Variants in WBP1L observed in about 807,000 individuals in gnomAD.
WBP1L encodes WW domain binding protein 1 like.
Under a neutral mutation model 33.7 loss-of-function variants are expected in WBP1L, and 17 were observed. That is an observed-to-expected ratio of 0.50 (90% CI 0.34 to 0.76). The LOEUF is 0.76. Ranked by LOEUF, WBP1L falls within the 30% of genes least tolerant of loss-of-function variation. The probability of loss-of-function intolerance (pLI) is 0.01; values close to 1 mark genes in which losing one functional copy is unlikely to be tolerated. For missense variants in WBP1L, 389 were observed against 469.4 expected (o/e 0.83, Z 1.58); for synonymous variants, 173 against 190.8 (o/e 0.91, Z 0.77).
intron 1 of WBP1L, chr10:102,776,291 C>G (rs1843260744): frequency 1.9e-6 from 3 of 1,611,300 alleles, no homozygotes; most frequent in Middle Eastern, 1.6e-4. Context: ...TGAACCAGGA[C>G]CACCGCACAC....
chr10:102,779,665 C>T (rs1843311578), intron 1 of WBP1L, among the ~76,000 whole-genome samples: 1 of 150,208 alleles, frequency 6.7e-6, no homozygotes, highest in South Asian at 2.1e-4. Context: ...TGTGAAGTTC[C>T]CCAGGTGTTT....
intron 1 of WBP1L, among the ~76,000 whole-genome samples, chr10:102,758,391 C>G (rs933829805): frequency 6.6e-6 from 1 of 152,196 alleles, no homozygotes; most frequent in African/African-American, 2.4e-5. Context: ...TCCCTCCAGT[C>G]CCTGGCAACC....
chr10:102,753,700 C>G (rs921473023), intron 1 of WBP1L, among the ~76,000 whole-genome samples: 1 of 152,146 alleles, frequency 6.6e-6, no homozygotes, highest in Non-Finnish European at 1.5e-5. Context: ...GTCGTCTTCA[C>G]AGTGCCAAAG....
chr10:102,797,080 A>T (rs1023599499), intron 1 of WBP1L, among the ~76,000 whole-genome samples: 1 of 152,234 alleles, frequency 6.6e-6, no homozygotes, highest in African/African-American at 2.4e-5. Flanking sequence ...GATCTAGCAG[A>T]TTGAAATTAG....
At chr10:102,783,428 A>C (rs1843365238) in intron 1 of WBP1L, among the ~76,000 whole-genome samples, 1 of 152,238 alleles carries the variant, frequency 6.6e-6, no homozygotes, top group Admixed American at 6.5e-5. Flanking sequence ...CGCTAGGTTC[A>C]GGACTTTGTG....
At chr10:102,805,332 C>A (rs943686998) in intron 2 of WBP1L, among the ~76,000 whole-genome samples, 4 of 151,892 alleles carry the variant, frequency 2.6e-5, no homozygotes, top group African/African-American at 9.7e-5. Flanking sequence ...TGAAATAGAT[C>A]ATATATATTG....
chr10:102,771,019 G>T (rs1225487599), intron 1 of WBP1L, among the ~76,000 whole-genome samples: 4 of 152,182 alleles, frequency 2.6e-5, no homozygotes, highest in Admixed American at 1.3e-4. Flanking sequence ...TTCTGTAACT[G>T]AGTAATAGGG....
At chr10:102,758,550 T>C (rs1202063551) in intron 1 of WBP1L, among the ~76,000 whole-genome samples, 1 of 152,242 alleles carries the variant, frequency 6.6e-6, no homozygotes, top group East Asian at 1.9e-4. Flanking sequence ...CAATACTTCA[T>C]ACCTTTTTAT....
chr10:102,795,630 G>A (rs1412236452), intron 1 of WBP1L, among the ~76,000 whole-genome samples: 1 of 152,210 alleles, frequency 6.6e-6, no homozygotes, highest in African/African-American at 2.4e-5. Context: ...TTCCGAGCCT[G>A]GGCTGCCTCT....
chr10:102,786,000 G>T (rs772015068), intron 1 of WBP1L, among the ~76,000 whole-genome samples: 17 of 152,196 alleles, frequency 1.1e-4, no homozygotes, highest in Non-Finnish European at 2.5e-4. Flanking sequence ...TCCGATTTTT[G>T]CTGTGGGATT....
chr10:102,766,843 A>C (rs74620327), intron 1 of WBP1L, among the ~76,000 whole-genome samples: 2 of 137,558 alleles, frequency 1.5e-5, no homozygotes, highest in Non-Finnish European at 3.2e-5. Flanking sequence ...AAAAAAAAAA[A>C]AGCAAAAAAC....
At chr10:102,809,078 C>CTGTT (rs1554877767) in intron 2 of WBP1L, among the ~76,000 whole-genome samples, 4 of 150,724 alleles carry the variant, frequency 2.7e-5, no homozygotes, top group Non-Finnish European at 4.4e-5. Context: ...TGTCATCATT[C>CTGTT]TGTTTTGTTT....
chr10:102,801,425 G>A lies in WBP1L; in HGVS notation c.193+3330G>A, dbSNP rs540793832. Among the ~76,000 whole-genome samples the A allele has an allele frequency of 1.2e-3, 183 of 152,276 alleles. 1 individual carries two copies. In the South Asian group the frequency reaches 0.036, roughly 30 times the overall value. ...CCCAGAGCTTTTGATTCAAAACTGA[G>A]AATTTAAAAACCTGAGAATGTGCAA... is the stretch of plus-strand genomic sequence containing the variant. On this transcript the variant is annotated intron_variant, in intron 2 of 3. Coordinates refer to ENST00000448841, the MANE Select transcript of WBP1L (RefSeq NM_001083913.2).
intron 2 of WBP1L, among the ~76,000 whole-genome samples, chr10:102,799,784 G>A (rs748143906): frequency 4.6e-5 from 7 of 151,976 alleles, no homozygotes; most frequent in Non-Finnish European, 8.8e-5. Context: ...TCAGTGATAT[G>A]GCAAGAAAGC....
chr10:102,765,366 A>G (rs4418737), intron 1 of WBP1L, among the ~76,000 whole-genome samples: 109,786 of 152,016 alleles, frequency 0.72, 39,923 homozygotes, highest in East Asian at 0.9. Flanking sequence ...CCCAGCAACT[A>G]GGACTACAGT....
chr10:102,793,962 TG>T (rs1227726069), intron 1 of WBP1L, among the ~76,000 whole-genome samples: 3 of 152,144 alleles, frequency 2.0e-5, no homozygotes, highest in Non-Finnish European at 2.9e-5. Context: ...TTGGTTGAGA[TG>T]GGGTTTTGCC....
chr10:102,775,497 C>T (rs888683130), intron 1 of WBP1L, among the ~76,000 whole-genome samples: 1 of 152,160 alleles, frequency 6.6e-6, no homozygotes, highest in Non-Finnish European at 1.5e-5. Flanking sequence ...GATGATCTGC[C>T]TTTCTGGCAA....
At chr10:102,768,236 G>A (rs1027850993) in intron 1 of WBP1L, among the ~76,000 whole-genome samples, 1 of 151,690 alleles carries the variant, frequency 6.6e-6, no homozygotes, top group Non-Finnish European at 1.5e-5. Context: ...CACCATGCCC[G>A]GCTAATTTTT....
chr10:102,744,020 G>A lies in WBP1L; in HGVS notation c.-34G>A, dbSNP rs1271939069. 1 of 1,497,548 alleles carries A rather than the reference G, an allele frequency of 6.7e-7. No homozygotes were observed. Among genetic ancestry groups the A allele is most frequent in the Admixed American group, 2.0e-5 (1 of 49,974 alleles). The allele number at this position is 1,497,548 out of a possible 1,614,324, so 92.8% of individuals were successfully genotyped here. A position where few individuals can be genotyped will look rare whatever the true frequency, so the allele number is the denominator to read the frequency against. On this transcript the variant is annotated 5_prime_UTR_variant, in exon 1 of 4. Coordinates refer to ENST00000448841, the MANE Select transcript of WBP1L (RefSeq NM_001083913.2). ...GAGGGAGGAGGAGGAGGGAGGTGGC[G>A]GCGCCGTGGCGGAGGAGCAGGAGCA...
Sources: gnomAD v4.1 joint callset for allele counts (sites outside exome capture counted in the v4.1 genomes callset) on GRCh38, gnomAD v4.1.1 for gene constraint, MANE v1.5 for transcripts, NCBI Gene and HGNC (gene_info 2026-07-23, HGNC 2026-07-21) for gene names.